Variants in SKAP1 observed in about 807,000 individuals in gnomAD.
SKAP1 encodes src kinase-associated phosphoprotein 1.
A neutral mutation model predicts 58.5 loss-of-function variants in SKAP1; 44 were observed. The observed-to-expected ratio is 0.75, with a 90% CI of 0.59 to 0.97. SKAP1 has a LOEUF of 0.97. Among genes scored for constraint, SKAP1 ranks in the 50% least tolerant of loss-of-function variants. The pLI is 0.00. For synonymous variants in SKAP1, 127 were observed against 149.7 expected, an observed-to-expected ratio of 0.85 and a Z score of 1.11; for missense variants, 390 against 435.2, an observed-to-expected ratio of 0.90 and a Z score of 0.92.
chr17:48,335,783 A>G (rs2066559812), intron 4 of SKAP1, among the ~76,000 whole-genome samples: 1 of 152,108 alleles, frequency 6.6e-6, no homozygotes, highest in Non-Finnish European at 1.5e-5. Context: ...AGGAATACAA[A>G]CCCTCAAGAT....
At chr17:48,164,403 T>C (rs2064108675) in intron 10 of SKAP1, among the ~76,000 whole-genome samples, 1 of 152,240 alleles carries the variant, frequency 6.6e-6, no homozygotes, top group Non-Finnish European at 1.5e-5. Flanking sequence ...TGGTCTTTTC[T>C]GGCCTAGCAG....
intron 11 of SKAP1, among the ~76,000 whole-genome samples, chr17:48,137,940 G>T (rs113208880): frequency 0.016 from 2,504 of 152,198 alleles, 37 homozygotes; most frequent in Non-Finnish European, 0.023. Flanking sequence ...TATCTTGTGG[G>T]GATGTAAATT....
chr17:48,327,564 T>A lies in SKAP1; in HGVS notation c.280+18341A>T, dbSNP rs76165804. Among the ~76,000 whole-genome samples, 8 of 152,326 alleles carry A rather than the reference T, an allele frequency of 5.3e-5. No homozygotes were observed. In the East Asian group the frequency reaches 1.5e-3, roughly 29 times the overall value. ...TTCTTTTCCTTATAATTTATCCATT[T>A]AAGTACAGGAATATTTGACTCTGGA... On this transcript the variant is annotated intron_variant, in intron 4 of 12. Coordinates refer to ENST00000336915, the MANE Select transcript of SKAP1 (RefSeq NM_003726.4).
chr17:48,257,677 G>A (rs560286073), intron 4 of SKAP1, among the ~76,000 whole-genome samples: 1 of 134,548 alleles, frequency 7.4e-6, no homozygotes, highest in South Asian at 2.3e-4. Flanking sequence ...TTTAGTCCTG[G>A]TGCCTGAATT....
At chr17:48,193,884 T>G (rs2064585681) in intron 4 of SKAP1, 1 of 271,552 alleles carries the variant, frequency 3.7e-6, no homozygotes, top group Non-Finnish European at 5.6e-6. Flanking sequence ...AACAATTGTA[T>G]AAGTTGCTAT....
rs905803897 is a variant in SKAP1, at chr17:48,193,338, C to T, written c.281-3838G>A. ...GATTACAGGCATGAGCCACCGCACC[C>T]GGTCTATGTTGCTTTCTTATTCATT... On this transcript the variant is annotated intron_variant, in intron 4 of 12. Coordinates refer to ENST00000336915, the MANE Select transcript of SKAP1 (RefSeq NM_003726.4). Among the ~76,000 whole-genome samples the T allele has an allele frequency of 2.6e-5, 4 of 152,150 alleles. No homozygotes were observed. The East Asian group carries it at 5.8e-4, about 22-fold the overall frequency.
rs577215825 is a variant in SKAP1 at position 48,252,834 on chromosome 17, C to T, written c.281-63334G>A. Among the ~76,000 whole-genome samples the T allele has an allele frequency of 2.6e-5, 4 of 151,708 alleles. No homozygotes were observed. In the South Asian group the frequency reaches 8.4e-4, roughly 32 times the overall value. ...GAGGAACTTTGATTTATATACTGTA[C>T]TTAAGTCAAGTTTTCCTAATTGCAT... On this transcript the variant is annotated intron_variant, in intron 4 of 12. Coordinates refer to ENST00000336915, the MANE Select transcript of SKAP1 (RefSeq NM_003726.4).
chr17:48,334,480 A>G (rs2066542538), intron 4 of SKAP1, among the ~76,000 whole-genome samples: 2 of 151,962 alleles, frequency 1.3e-5, no homozygotes, highest in African/African-American at 2.4e-5. Context: ...TAAATAGCAC[A>G]GGTATAACTA....
At chr17:48,328,675 T>A (rs2066467503) in intron 4 of SKAP1, among the ~76,000 whole-genome samples, 1 of 152,234 alleles carries the variant, frequency 6.6e-6, no homozygotes, top group East Asian at 1.9e-4. Context: ...CTAATGCTCT[T>A]CTTCAAAGCA....
chr17:48,196,567 G>A (rs9903692), intron 4 of SKAP1: 41,362 of 152,018 alleles, frequency 0.27, 6,363 homozygotes, highest in African/African-American at 0.42. Context: ...ACCTCCTCGT[G>A]CATTTACCCA....
At chr17:48,251,775 C>G (rs1489993585) in intron 4 of SKAP1, among the ~76,000 whole-genome samples, 3 of 152,200 alleles carry the variant, frequency 2.0e-5, no homozygotes, top group African/African-American at 7.2e-5. Flanking sequence ...CCTGCTGCCA[C>G]ACATTCAAAA....
intron 2 of SKAP1, among the ~76,000 whole-genome samples, chr17:48,371,685 A>AAAAAAAAC (rs2067088249): frequency 8.2e-6 from 1 of 121,724 alleles, no homozygotes; most frequent in Non-Finnish European, 1.8e-5. Context: ...AAAAAAAAAA[A>AAAAAAAAC]AGCCAGGCAT....
intron 3 of SKAP1, among the ~76,000 whole-genome samples, chr17:48,355,401 C>A (rs1384190368): frequency 2.6e-5 from 4 of 152,160 alleles, no homozygotes; most frequent in Non-Finnish European, 5.9e-5. Context: ...CCCCAACCTC[C>A]AAAGTAGCTG....
chr17:48,170,368 C>T (rs1277000818), intron 10 of SKAP1, among the ~76,000 whole-genome samples: 2 of 152,146 alleles, frequency 1.3e-5, no homozygotes, highest in Admixed American at 6.5e-5. Flanking sequence ...TTTGGCTTCC[C>T]ACCCGCTCTA....
chr17:48,190,685 C>T (rs1402549681), intron 4 of SKAP1, among the ~76,000 whole-genome samples: 1 of 152,082 alleles, frequency 6.6e-6, no homozygotes, highest in Non-Finnish European at 1.5e-5. Flanking sequence ...ATCCTGATTT[C>T]TTAAAAGTCT....
At chr17:48,429,461 G>A (rs908322831) in intron 1 of SKAP1, among the ~76,000 whole-genome samples, 1 of 152,152 alleles carries the variant, frequency 6.6e-6, no homozygotes, top group Admixed American at 6.5e-5. Context: ...ACCACAATGG[G>A]GGCACTTCTA....
rs140161891 is a variant in SKAP1, at chr17:48,406,815, C to A, written c.47-10030G>T. Among the ~76,000 whole-genome samples, 61 of 152,246 alleles carry A rather than the reference C, an allele frequency of 4.0e-4. 2 individuals are homozygous for A. The East Asian group carries it at 0.012, about 29-fold the overall frequency. ...TCCTGACCTCAAGTGATCCGCCCGCCTCGGCCTCCCAAAGTGCTGGGATTA... is the reference window on the plus strand; with the variant it reads ...TCCTGACCTCAAGTGATCCGCCCGCATCGGCCTCCCAAAGTGCTGGGATTA... On this transcript the variant is annotated intron_variant, in intron 1 of 12. Coordinates refer to ENST00000336915, the MANE Select transcript of SKAP1 (RefSeq NM_003726.4).
At chr17:48,372,874 C>G (rs982237205) in intron 2 of SKAP1, among the ~76,000 whole-genome samples, 1 of 152,162 alleles carries the variant, frequency 6.6e-6, no homozygotes, top group Non-Finnish European at 1.5e-5. Flanking sequence ...TCTCGAACTT[C>G]TGGCCTCAAG....
chr17:48,438,583 C>T, the SKAP1 span, among the ~76,000 whole-genome samples: 1 of 152,118 alleles, frequency 6.6e-6, no homozygotes, highest in Non-Finnish European at 1.5e-5. Context: ...ATCAGATTCT[C>T]CCCACCCACC....
Sources: allele counts gnomAD v4.1 joint callset (sites outside exome capture counted in the v4.1 genomes callset), GRCh38; gene constraint gnomAD v4.1.1; transcripts MANE v1.5; gene names NCBI Gene and HGNC (gene_info 2026-07-23, HGNC 2026-07-21).